The following DPP10 variants were observed in gnomAD, a reference collection of about 807,000 sequenced individuals.
The protein encoded by DPP10 is dipeptidyl peptidase like 10, also known as inactive dipeptidyl peptidase 10.
In DPP10, 33 loss-of-function variants were observed where a neutral mutation model predicts 120.9. The ratio of observed to expected loss-of-function variants is 0.27; its 90% CI spans 0.21 to 0.37. DPP10 has a LOEUF of 0.37. Ranked by LOEUF, DPP10 falls within the 10% of genes least tolerant of loss-of-function variation. The pLI, the probability that DPP10 is intolerant of heterozygous loss-of-function variation, is 1.00. For synonymous variants in DPP10, 337 were observed against 326.1 expected, an observed-to-expected ratio of 1.03 and a Z score of -0.36; for missense variants, 816 against 942.8, an observed-to-expected ratio of 0.87 and a Z score of 1.76.
intron 1 of DPP10, among the ~76,000 whole-genome samples, chr2:115,166,663 T>C (rs1305589242): frequency 1.3e-5 from 2 of 149,352 alleles, no homozygotes; most frequent in African/African-American, 4.9e-5. Context: ...ATATATCTGT[T>C]TGATTATTTC....
At chr2:114,885,283 G>A (rs1005598800) in intron 1 of DPP10, among the ~76,000 whole-genome samples, 7 of 152,206 alleles carry the variant, frequency 4.6e-5, no homozygotes, top group African/African-American at 9.6e-5. Flanking sequence ...GTGTGGAGGC[G>A]CAGGTGCCGC....
At chr2:114,478,597 G>A (rs1680724431) in intron 1 of DPP10, among the ~76,000 whole-genome samples, 1 of 151,738 alleles carries the variant, frequency 6.6e-6, no homozygotes, top group African/African-American at 2.4e-5. Context: ...AAGGAAGGAA[G>A]GAATGAAGGA....
chr2:115,213,547 C>T (rs1231024280), intron 1 of DPP10, among the ~76,000 whole-genome samples: 3 of 151,984 alleles, frequency 2.0e-5, no homozygotes, highest in Non-Finnish European at 4.4e-5. Flanking sequence ...TTTTTCTTTT[C>T]TATTTATTTG....
chr2:114,548,291 A>T (rs1259899649), intron 1 of DPP10, among the ~76,000 whole-genome samples: 8 of 152,198 alleles, frequency 5.3e-5, no homozygotes, highest in African/African-American at 1.9e-4. Context: ...TGATTCCGTC[A>T]TAGCACCATG....
At chr2:115,379,383 G>A (rs978822864) in intron 3 of DPP10, among the ~76,000 whole-genome samples, 1 of 152,104 alleles carries the variant, frequency 6.6e-6, no homozygotes, top group African/African-American at 2.4e-5. Context: ...GTATTTCTGT[G>A]GGATCGGTGG....
chr2:115,474,036 G>A (rs974634146), intron 3 of DPP10, among the ~76,000 whole-genome samples: 1 of 152,172 alleles, frequency 6.6e-6, no homozygotes, highest in African/African-American at 2.4e-5. Context: ...GTTATGAGAT[G>A]ACGTCGTGAC....
intron 1 of DPP10, among the ~76,000 whole-genome samples, chr2:114,481,883 G>GA (rs1681078825): frequency 6.6e-6 from 1 of 151,282 alleles, no homozygotes; most frequent in Non-Finnish European, 1.5e-5. Context: ...GAGAGAGAGA[G>GA]AGAAGAAGGA....
At chr2:115,634,088 C>T (rs897030642) in intron 5 of DPP10, among the ~76,000 whole-genome samples, 1 of 151,960 alleles carries the variant, frequency 6.6e-6, no homozygotes, top group Non-Finnish European at 1.5e-5. Context: ...GTTATTGATA[C>T]TTGTATTTGC....
chr2:114,966,120 G>T (rs542587762), intron 1 of DPP10, among the ~76,000 whole-genome samples: 1 of 152,150 alleles, frequency 6.6e-6, no homozygotes, highest in African/African-American at 2.4e-5. Context: ...GGGACAGGGA[G>T]CAATGCACTG....
intron 1 of DPP10, among the ~76,000 whole-genome samples, chr2:114,710,454 A>G (rs1056649370): frequency 2.6e-5 from 4 of 152,226 alleles, no homozygotes; most frequent in Non-Finnish European, 5.9e-5. Flanking sequence ...TTTATAGAAT[A>G]AAAGCACAGG....
chr2:115,384,376 A>T (rs142934245), intron 3 of DPP10, among the ~76,000 whole-genome samples: 1 of 149,102 alleles, frequency 6.7e-6, no homozygotes, highest in African/African-American at 2.4e-5. Flanking sequence ...CCTGTCTCAG[A>T]AAAGCAGAAG....
chr2:115,180,652 A>C (rs550075927), intron 1 of DPP10, among the ~76,000 whole-genome samples: 2 of 152,166 alleles, frequency 1.3e-5, no homozygotes, highest in Non-Finnish European at 2.9e-5. Context: ...GACATACCCA[A>C]TGGTTGAATT....
At chr2:114,533,918 C>G (rs1250953070) in intron 1 of DPP10, among the ~76,000 whole-genome samples, 2 of 152,178 alleles carry the variant, frequency 1.3e-5, no homozygotes, top group Admixed American at 1.3e-4. Flanking sequence ...TCTAAAAACT[C>G]TTGTCATTCA....
In DPP10 at chr2:114,702,568, C is replaced by T. The variant is rs560744922; in HGVS notation, c.60+259730C>T. Among the ~76,000 whole-genome samples the T allele has an allele frequency of 2.2e-4, 33 of 152,190 alleles. No individual in the cohort carries two copies. In the South Asian group the frequency reaches 4.4e-3, roughly 20 times the overall value. On this transcript the variant is annotated intron_variant, in intron 1 of 25. Transcript: ENST00000410059. ...AAGATCACATGCTGCCCTGTTACCTCGTATACTTGGCTCCTTCTCCCTGGT... is the reference window on the plus strand; with the variant it reads ...AAGATCACATGCTGCCCTGTTACCTTGTATACTTGGCTCCTTCTCCCTGGT...
intron 1 of DPP10, among the ~76,000 whole-genome samples, chr2:114,861,362 G>GA (rs1689798091): frequency 6.6e-6 from 1 of 152,000 alleles, no homozygotes; most frequent in African/African-American, 2.4e-5. Context: ...TGGCTCAGCA[G>GA]TCTACACCAT....
chr2:115,571,845 T>TTGTGTGTG (rs10634118), intron 5 of DPP10, among the ~76,000 whole-genome samples: 16 of 149,686 alleles, frequency 1.1e-4, no homozygotes, highest in African/African-American at 3.7e-4. Flanking sequence ...CTCCAATATC[T>TTGTGTGTG]TGTGTGTGTG....
At position 114,826,357 on chromosome 2, in the gene DPP10, A is replaced by G. The variant is rs544374328; in HGVS notation, c.60+383519A>G. On this transcript the variant is annotated intron_variant, in intron 1 of 25. Coordinates refer to ENST00000410059, the MANE Select transcript of DPP10 (RefSeq NM_020868.6). The stretch of plus-strand genomic sequence containing the variant: ...TTTCTGTCTCAAAATATGTAAAAGT[A>G]TGGTGGAGGAGAAATAGTAATACCT... Among the ~76,000 whole-genome samples the G allele has an allele frequency of 6.4e-4, 97 of 152,314 alleles. 1 individual carries two copies. Among genetic ancestry groups the G allele is most frequent in the African/African-American group, 2.3e-3 (96 of 41,562 alleles).
intron 1 of DPP10, among the ~76,000 whole-genome samples, chr2:115,154,737 C>T (rs188683064): frequency 3.9e-5 from 6 of 152,088 alleles, no homozygotes; most frequent in African/African-American, 1.4e-4. Context: ...TACCCACCAC[C>T]CCCTGAGCAC....
At chr2:115,423,849 A>G (rs1191081717) in intron 3 of DPP10, among the ~76,000 whole-genome samples, 1 of 151,802 alleles carries the variant, frequency 6.6e-6, no homozygotes, top group Non-Finnish European at 1.5e-5. Flanking sequence ...TCTATTTGCT[A>G]TTTTTTTTCT....
Sources: gnomAD v4.1 joint callset for allele counts (sites outside exome capture counted in the v4.1 genomes callset) on GRCh38, gnomAD v4.1.1 for gene constraint, MANE v1.5 for transcripts, NCBI Gene and HGNC (gene_info 2026-07-23, HGNC 2026-07-21) for gene names.